Variants in JAKMIP3 observed in about 807,000 individuals in gnomAD.
The protein encoded by JAKMIP3 is janus kinase and microtubule-interacting protein 3.
In JAKMIP3, 58 loss-of-function variants were observed where a neutral mutation model predicts 118.5. That is an observed-to-expected ratio of 0.49 (90% CI 0.40 to 0.61). The LOEUF (loss-of-function observed/expected upper bound fraction) is 0.61, where lower values mean the gene tolerates loss of function less well. Ranked by LOEUF, JAKMIP3 falls within the 20% of genes least tolerant of loss-of-function variation. The probability of loss-of-function intolerance (pLI) is 0.00; values close to 1 mark genes in which losing one functional copy is unlikely to be tolerated. For missense variants in JAKMIP3, 950 were observed against 1,109.0 expected, an observed-to-expected ratio of 0.86 and a Z score of 2.04; for synonymous variants, 486 against 451.2, an observed-to-expected ratio of 1.08 and a Z score of -0.98.
At position 132,180,613 on chromosome 10, in the gene JAKMIP3, G is replaced by GCA. The variant is rs2060873093; in HGVS notation, c.*1104-1744_*1104-1743insCA. ...TGTGTGTGTGCGTGCGCGTGTGTGTGTGCGTGTGTGTGCGTGTGTGCGTGC... is the reference window on the plus strand; with the variant it reads ...TGTGTGTGTGCGTGCGCGTGTGTGTGCATGCGTGTGTGTGCGTGTGTGCGTGC... On this transcript the variant is annotated intron_variant, in intron 23 of 23. Coordinates refer to ENST00000684848, the MANE Select transcript of JAKMIP3 (RefSeq NM_001323087.2). 1.6e-4 allele frequency among the ~76,000 whole-genome samples: 8 copies of GCA among 48,836 alleles called. 1 individual carries two copies. The highest frequency in any genetic ancestry group is 2.5e-4 in the Admixed American group (1 of 3,946). 32.0% of individuals were successfully genotyped at this position (48,836 alleles called of 152,430 possible).
Position 132,095,629 on chromosome 10 carries a change from C to T in JAKMIP3, c.-137-9043C>T, listed in dbSNP as rs112404536. The stretch of plus-strand genomic sequence containing the variant: ...GGTCTGGGGGTTCTCTCGGCTTTCC[C>T]GATTTATTCCTGCAGTCGTTCTGGA... On this transcript the variant is annotated intron_variant, in intron 1 of 23. Coordinates refer to ENST00000684848, the MANE Select transcript of JAKMIP3 (RefSeq NM_001323087.2). Among the ~76,000 whole-genome samples, 366 of 152,286 alleles carry T rather than the reference C, an allele frequency of 2.4e-3. 5 individuals are homozygous for T. The highest frequency in any genetic ancestry group is 8.2e-3 in the African/African-American group (341 of 41,554).
chr10:132,121,082 A>G (rs11146193), intron 3 of JAKMIP3, among the ~76,000 whole-genome samples: 89,342 of 151,850 alleles, frequency 0.59, 26,395 homozygotes, highest in South Asian at 0.72. Flanking sequence ...TGGACTGGGG[A>G]CAGGGGACTG....
intron 19 of JAKMIP3, among the ~76,000 whole-genome samples, chr10:132,162,605 A>G (rs909912762): frequency 1.3e-5 from 2 of 152,226 alleles, no homozygotes; most frequent in Non-Finnish European, 2.9e-5. Flanking sequence ...TATTTCTGCT[A>G]TCTCTGAAGA....
At chr10:132,072,148 C>T (rs1564866848) in intron 1 of JAKMIP3, among the ~76,000 whole-genome samples, 1 of 151,968 alleles carries the variant, frequency 6.6e-6, no homozygotes, top group Admixed American at 6.6e-5. Context: ...AACAGGGTTC[C>T]GCCGGCCTCA....
chr10:132,130,859 G>T (rs574279999), intron 3 of JAKMIP3, among the ~76,000 whole-genome samples: 1 of 152,262 alleles, frequency 6.6e-6, no homozygotes, highest in East Asian at 1.9e-4. Context: ...AGCTTCCCAG[G>T]CTCCACCCTA....
intron 4 of JAKMIP3, among the ~76,000 whole-genome samples, chr10:132,133,761 C>G (rs1000765904): frequency 2.0e-5 from 3 of 152,238 alleles, no homozygotes; most frequent in Admixed American, 6.5e-5. Context: ...AGCATCAGCT[C>G]TGGCCCTGTC....
rs2059134218 is a variant in JAKMIP3, at chr10:132,168,086, G to A, written c.*156G>A. 1.6e-6 allele frequency: 2 copies of A among 1,289,516 alleles called. No homozygotes were observed. The highest frequency in any genetic ancestry group is 2.1e-4 in the Middle Eastern group (1 of 4,696). The allele number at this position is 1,289,516 out of a possible 1,614,324, so 79.9% of individuals were successfully genotyped here. On this transcript the variant is annotated 3_prime_UTR_variant, in exon 23 of 24. Transcript: ENST00000684848. ...CCGTCCCGTGGAGGAAGAGTGAGAA[G>A]GGGCAGTGTGTGGGGCGTGGAGCTG...
Position 132,095,051 on chromosome 10 carries a change from T to C in JAKMIP3, c.-137-9621T>C, listed in dbSNP as rs1283440300. Among the ~76,000 whole-genome samples, 10 of 152,126 alleles carry C rather than the reference T, an allele frequency of 6.6e-5. 1 individual carries two copies. On this transcript the variant is annotated intron_variant, in intron 1 of 23. Transcript: ENST00000684848. ...AGGCCTCACCCAGCTCCCACACAAA[T>C]TGAAGGGCTGGTCTCACTCCCACTG...
chr10:132,039,002 GAGGCCACACGGGGAACCAGGCTC>G (rs2037621825), intron 1 of JAKMIP3, among the ~76,000 whole-genome samples: 1 of 152,188 alleles, frequency 6.6e-6, no homozygotes, highest in African/African-American at 2.4e-5. Context: ...AGCCGCTCGT[GAGGCCACACGGGGAACCAGGCTC>G]AGGCCACATC....
rs760742595 is a variant in JAKMIP3, at chr10:132,180,523, C to CTGTGTGTGTG, written c.*1104-1821_*1104-1812dup. Reference sequence around the variant, plus strand: ...GAAGACTGCAAACCTGGAAGCAGAACTGTGTGTGTGTGTGTGTGTGTGCGT... The same window carrying CTGTGTGTGTG: ...GAAGACTGCAAACCTGGAAGCAGAACTGTGTGTGTGTGTGTGTGTGTGTGTGTGTGTGCGT... On this transcript the variant is annotated intron_variant, in intron 23 of 23. Coordinates refer to ENST00000684848, the MANE Select transcript of JAKMIP3 (RefSeq NM_001323087.2). 6.3e-4 allele frequency among the ~76,000 whole-genome samples: 47 copies of CTGTGTGTGTG among 74,454 alleles called. 8 individuals carry two copies. The highest frequency in any genetic ancestry group is 1.5e-3 in the South Asian group (3 of 2,004). 48.8% of individuals were successfully genotyped at this position (74,454 alleles called of 152,430 possible). A position where few individuals can be genotyped will look rare whatever the true frequency, so the allele number is the denominator to read the frequency against.
chr10:132,139,138 GTGTA>G (rs1260737108), intron 9 of JAKMIP3, among the ~76,000 whole-genome samples: 61 of 151,786 alleles, frequency 4.0e-4, no homozygotes, highest in African/African-American at 1.2e-3. Flanking sequence ...GTGTGTGCAT[GTGTA>G]TGTGAGTATG....
At chr10:132,047,094 C>A (rs780130493) in intron 1 of JAKMIP3, among the ~76,000 whole-genome samples, 40 of 152,026 alleles carry the variant, frequency 2.6e-4, no homozygotes, top group Non-Finnish European at 5.4e-4. Context: ...ACTATGTTGC[C>A]CAGGCTAGTC....
chr10:132,101,349 C>A (rs1273498852), intron 1 of JAKMIP3, among the ~76,000 whole-genome samples: 1 of 152,100 alleles, frequency 6.6e-6, no homozygotes, highest in Non-Finnish European at 1.5e-5. Flanking sequence ...AGGACCGACC[C>A]CCCAACCCCA....
chr10:132,064,563 C>T (rs997444017), upstream of JAKMIP3, among the ~76,000 whole-genome samples: 9 of 152,200 alleles, frequency 5.9e-5, no homozygotes, highest in Non-Finnish European at 8.8e-5. This position sits in a 1 kb window ranked among gnomAD's most constrained non-coding sequence, Gnocchi z 4.4. Context: ...GTGGGGCAGC[C>T]GCATGGCCTC....
rs142452295 is a variant in JAKMIP3, at chr10:132,124,926, C to A, written c.633+7352C>A. 1.2e-3 allele frequency among the ~76,000 whole-genome samples: 186 copies of A among 152,366 alleles called. 5 individuals are homozygous for A. Among genetic ancestry groups the A allele is most frequent in the Non-Finnish European group, 1.2e-3 (81 of 68,038 alleles). On this transcript the variant is annotated intron_variant, in intron 3 of 23. Coordinates refer to ENST00000684848, the MANE Select transcript of JAKMIP3 (RefSeq NM_001323087.2). ...AAGAAAGAGGCTGGCCGTTCCACTG[C>A]CCATCTGCATGTCACCTTTCATAAA... is the stretch of plus-strand genomic sequence containing the variant.
chr10:132,117,441 A>G lies in JAKMIP3; in HGVS notation c.500A>G (p.Gln167Arg). Reference protein sequence around the residue: ...EISELKGAKRQVEEALTLVIQ... With the variant: ...EISELKGAKRRVEEALTLVIQ... ...TCCGAGCTCAAGGGCGCCAAAAGGC[A>G]GGTGGAGGAGGCGCTGACGCTGGTG... is the stretch of plus-strand genomic sequence containing the variant. The change falls in exon 3 of 24, where the codon CAG becomes CGG. Residue 167 changes from glutamine (Q) to arginine (R), a missense_variant. Gln to Arg is a conservative substitution (Grantham distance 43, BLOSUM62 1). Coordinates refer to ENST00000684848, the MANE Select transcript of JAKMIP3 (RefSeq NM_001323087.2). The surrounding 1 kb of genome is among the most constrained non-coding windows in gnomAD (Gnocchi z 8.6). 6.2e-7 allele frequency: 1 copy of G among 1,613,992 alleles called. No individual in the cohort carries two copies. The highest frequency in any genetic ancestry group is 8.5e-7 in the Non-Finnish European group (1 of 1,179,900).
At chr10:132,180,083 G>A (rs556296779) in intron 23 of JAKMIP3, among the ~76,000 whole-genome samples, 13 of 152,338 alleles carry the variant, frequency 8.5e-5, no homozygotes, top group African/African-American at 3.1e-4. Context: ...CCCTCAAAAG[G>A]AAGGCTGGTG....
At position 132,182,356 on chromosome 10, in the gene JAKMIP3, G is replaced by C. The variant is rs967727929; in HGVS notation, c.*1104-1G>C. ...ACGGCGTTTTCTCCACTCTTTTTCA[G>C]AGAGGAAGCAGTGCATTGGTGAAGG... is the stretch of plus-strand genomic sequence containing the variant. On this transcript the variant is annotated splice_acceptor_variant, in intron 23 of 23. Coordinates refer to ENST00000684848, the MANE Select transcript of JAKMIP3 (RefSeq NM_001323087.2). LOFTEE classifies it low-confidence loss of function (3UTR_SPLICE). 9 of 152,232 alleles carry C rather than the reference G, an allele frequency of 5.9e-5. No homozygotes were observed. Among genetic ancestry groups the C allele is most frequent in the Non-Finnish European group, 8.8e-5 (6 of 68,046 alleles). 9.4% of individuals were successfully genotyped at this position (152,232 alleles called of 1,614,324 possible). A position where few individuals can be genotyped will look rare whatever the true frequency, so the allele number is the denominator to read the frequency against.
chr10:132,114,776 C>G (rs2047375321), intron 2 of JAKMIP3, among the ~76,000 whole-genome samples: 1 of 152,160 alleles, frequency 6.6e-6, no homozygotes, highest in African/African-American at 2.4e-5. Flanking sequence ...AAATTTCTGT[C>G]AGTAACACCT....
Sources: allele counts gnomAD v4.1 joint callset (sites outside exome capture counted in the v4.1 genomes callset), GRCh38; gene constraint gnomAD v4.1.1; non-coding constraint Gnocchi (gnomAD v3.1); transcripts MANE v1.5; gene names NCBI Gene and HGNC (gene_info 2026-07-23, HGNC 2026-07-21).